The following PAX3 variants were observed in gnomAD, a reference collection of about 807,000 sequenced individuals.
The protein encoded by PAX3 is paired box protein Pax-3.
Under a neutral mutation model 51.6 loss-of-function variants are expected in PAX3, and 14 were observed. The observed-to-expected ratio is 0.27, with a 90% confidence interval of 0.18 to 0.42. PAX3 has a LOEUF of 0.42. Among genes scored for constraint, PAX3 ranks in the 10% least tolerant of loss-of-function variants. The pLI is 1.00. For missense variants in PAX3, 540 were observed against 642.8 expected (o/e 0.84, Z 1.73); for synonymous variants, 280 against 253.4 (o/e 1.11, Z -1.00).
At position 222,200,915 on chromosome 2, in the gene PAX3, A is replaced by C; in HGVS notation, c.*493T>G. 1.9e-6 allele frequency: 1 copy of C among 532,116 alleles called. No individual in the cohort carries two copies. 33.0% of individuals were successfully genotyped at this position (532,116 alleles called of 1,614,324 possible). A position where few individuals can be genotyped will look rare whatever the true frequency, so the allele number is the denominator to read the frequency against. On this transcript the variant is annotated 3_prime_UTR_variant, in exon 9 of 9. Coordinates refer to ENST00000392070, the MANE Select transcript of PAX3 (RefSeq NM_181458.4). ...GGATTCCTCCATTCTTGCTTCATGA[A>C]ATGAGCAGTTTTAAAGTTGTAGAAG... is the stretch of plus-strand genomic sequence containing the variant.
intron 4 of PAX3, among the ~76,000 whole-genome samples, chr2:222,265,692 G>GGAAGGAAGGAAGGAAGGAAGGA (rs1559296349): frequency 1.6e-3 from 42 of 26,988 alleles, no homozygotes; most frequent in African/African-American, 4.3e-3. Flanking sequence ...GGAAGGAAGG[G>GGAAGGAAGGAAGGAAGGAAGGA]AGAAAGATTG....
intron 5 of PAX3, among the ~76,000 whole-genome samples, chr2:222,224,156 C>G (rs953650741): frequency 6.6e-6 from 1 of 152,124 alleles, no homozygotes; most frequent in African/African-American, 2.4e-5. Context: ...ATTGAGTAAA[C>G]TCACCAGGAG....
chr2:222,279,430 T>G (rs1694557023), intron 4 of PAX3, among the ~76,000 whole-genome samples: 1 of 152,156 alleles, frequency 6.6e-6, no homozygotes, highest in Non-Finnish European at 1.5e-5. Context: ...TTCACTCTTT[T>G]CACCTAAGGT....
chr2:222,226,259 G>A (rs1418101642), intron 5 of PAX3, among the ~76,000 whole-genome samples: 2 of 152,238 alleles, frequency 1.3e-5, no homozygotes, highest in East Asian at 3.9e-4. Context: ...TTCCAAGTAG[G>A]GAAATTCAGG....
chr2:222,285,481 G>A (rs537328914), intron 4 of PAX3, among the ~76,000 whole-genome samples: 96 of 152,284 alleles, frequency 6.3e-4, no homozygotes, highest in Non-Finnish European at 1.1e-3. Flanking sequence ...ATGTTTAAAA[G>A]TCATTTTCAT....
chr2:222,232,225 T>C lies in PAX3; in HGVS notation c.645A>G (p.Leu215=). 1.2e-6 allele frequency: 2 copies of C among 1,614,038 alleles called. No homozygotes were observed. Among genetic ancestry groups the C allele is most frequent in the Non-Finnish European group, 1.7e-6 (2 of 1,179,956 alleles). The part of the protein sequence containing the change: ...SDIDSEPDLP[L]KRKQRRSRTT... ...TTCGGCTTCTGCGCTGTTTCCTCTT[T>C]AGTGGTAAATCTGGTTCAGAGTCAA... Residue 215 remains leucine, a synonymous_variant, in exon 5 of 9, where the codon CTA becomes CTG. Transcript: ENST00000392070.
At chr2:222,210,090 G>C (rs1290115169) in intron 7 of PAX3, among the ~76,000 whole-genome samples, 1 of 152,098 alleles carries the variant, frequency 6.6e-6, no homozygotes, top group African/African-American at 2.4e-5. Context: ...TCCACCTGAT[G>C]ACTTGTGCTT....
At chr2:222,286,721 C>T (rs527999013) in intron 4 of PAX3, among the ~76,000 whole-genome samples, 1 of 152,298 alleles carries the variant, frequency 6.6e-6, no homozygotes, top group East Asian at 1.9e-4. Context: ...TTATTTAATA[C>T]AATTTCATTT....
At chr2:222,276,302 G>A (rs1166039372) in intron 4 of PAX3, among the ~76,000 whole-genome samples, 3 of 152,178 alleles carry the variant, frequency 2.0e-5, no homozygotes, top group Admixed American at 1.3e-4. Context: ...AAGAAGAGCC[G>A]GTGTGTTCAC....
At position 222,298,722 on chromosome 2, in the gene PAX3, C is replaced by T; in HGVS notation, c.-107G>A. ...ACTATCCGGAGCGTGGAGAGCCCCT[C>T]CCCAAAACGGCTGGAGAGAGAGGGA... On this transcript the variant is annotated 5_prime_UTR_variant, in exon 1 of 9. Coordinates refer to ENST00000392070, the MANE Select transcript of PAX3 (RefSeq NM_181458.4). 1 of 1,111,656 alleles carries T rather than the reference C, an allele frequency of 9.0e-7. No individual in the cohort carries two copies. Among genetic ancestry groups the T allele is most frequent in the Non-Finnish European group, 1.3e-6 (1 of 753,544 alleles). The allele number at this position is 1,111,656 out of a possible 1,614,324, so 68.9% of individuals were successfully genotyped here.
chr2:222,247,866 A>G (rs1693286268), intron 4 of PAX3, among the ~76,000 whole-genome samples: 1 of 152,102 alleles, frequency 6.6e-6, no homozygotes, highest in African/African-American at 2.4e-5. Flanking sequence ...TGATTTTTAA[A>G]TTCTCACTAT....
At chr2:222,232,771 T>C (rs1236515844) in intron 4 of PAX3, among the ~76,000 whole-genome samples, 1 of 152,206 alleles carries the variant, frequency 6.6e-6, no homozygotes, top group East Asian at 1.9e-4. Flanking sequence ...ATCTGTTAAA[T>C]GTGATTTTTA....
In PAX3 at chr2:222,201,301, C is replaced by CA; in HGVS notation, c.*106_*107insT. 3 of 1,611,390 alleles carry CA rather than the reference C, an allele frequency of 1.9e-6. No individual in the cohort carries two copies. The highest frequency in any genetic ancestry group is 2.2e-5 in the South Asian group (2 of 90,980). On this transcript the variant is annotated 3_prime_UTR_variant, in exon 9 of 9. Transcript: ENST00000392070. ...CTCCTATTGGGACCACTGCCCCACCCCCCCCAACAAAAGGGTAATTTTTTT... is the reference window on the plus strand; with the variant it reads ...CTCCTATTGGGACCACTGCCCCACCCACCCCCAACAAAAGGGTAATTTTTTT...
rs553085443 is a variant in PAX3, at chr2:222,239,788, C to T, written c.587-7505G>A. On this transcript the variant is annotated intron_variant, in intron 4 of 8. Coordinates refer to ENST00000392070, the MANE Select transcript of PAX3 (RefSeq NM_181458.4). ...TTTTATTCCCTCTATGATTTCTCCC[C>T]GAAATGTGCCAGCAAAAGACTCTTT... Among the ~76,000 whole-genome samples, 106 of 149,740 alleles carry T rather than the reference C, an allele frequency of 7.1e-4. 1 individual carries two copies. The highest frequency in any genetic ancestry group is 1.5e-3 in the Admixed American group (23 of 15,032).
chr2:222,221,495 A>G (rs1026129951), intron 5 of PAX3, 108 bp from the exon 6 acceptor site: 38 of 1,029,654 alleles, frequency 3.7e-5, no homozygotes, highest in Non-Finnish European at 5.6e-5. Flanking sequence ...GAAAGGGCAA[A>G]TAGATGCAAG....
chr2:222,247,819 A>G (rs1360782884), intron 4 of PAX3, among the ~76,000 whole-genome samples: 1 of 152,064 alleles, frequency 6.6e-6, no homozygotes, highest in African/African-American at 2.4e-5. Context: ...TAACCATTCT[A>G]TTTACATCTA....
intron 4 of PAX3, among the ~76,000 whole-genome samples, chr2:222,288,147 G>A (rs962268893): frequency 1.3e-5 from 2 of 152,080 alleles, no homozygotes; most frequent in Non-Finnish European, 1.5e-5. Flanking sequence ...AACAAAAGTC[G>A]GATAGTTCAT....
intron 2 of PAX3, among the ~76,000 whole-genome samples, chr2:222,296,716 G>A (rs939428742): frequency 6.6e-6 from 1 of 152,162 alleles, no homozygotes; most frequent in Non-Finnish European, 1.5e-5. Flanking sequence ...AATTTGATGA[G>A]GATTGCAAGG....
In PAX3 at chr2:222,220,273, T is replaced by C. The variant is rs1692140037; in HGVS notation, c.1040A>G (p.Asn347Ser). The C allele has an allele frequency of 6.2e-7, 1 of 1,613,992 alleles. No homozygotes were observed. The highest frequency in any genetic ancestry group is 8.5e-7 in the Non-Finnish European group (1 of 1,179,958). The change falls in exon 7 of 9, where the codon AAC becomes AGC. Residue 347 changes from asparagine (N) to serine (S), a missense_variant. Asn to Ser is a conservative substitution (Grantham distance 46, BLOSUM62 1). This residue lies in a region of PAX3 where 427 missense variants were observed against 483.6 expected (regional missense o/e 0.88). Coordinates refer to ENST00000392070, the MANE Select transcript of PAX3 (RefSeq NM_181458.4). ...STVHQSTIPSNPDSSSAYCLP... is the reference protein window; with the variant it reads ...STVHQSTIPSSPDSSSAYCLP... ...GCAGTAGGCAGAGCTGCTGTCTGGG[T>C]TGGAAGGAATCGTGCTTTGGTGTAC...
Sources: allele counts gnomAD v4.1 joint callset (sites outside exome capture counted in the v4.1 genomes callset), GRCh38; gene constraint gnomAD v4.1.1; regional missense constraint gnomAD v4.1.1; transcripts MANE v1.5; gene names NCBI Gene and HGNC (gene_info 2026-07-23, HGNC 2026-07-21).